Variants in OTOGL observed in about 807,000 individuals in gnomAD.
OTOGL encodes otogelin-like protein.
A neutral mutation model predicts 318.5 loss-of-function variants in OTOGL; 285 were observed. That is an observed-to-expected ratio of 0.89 (90% CI 0.81 to 0.99). The LOEUF (loss-of-function observed/expected upper bound fraction) is 0.99, where lower values mean the gene tolerates loss of function less well. OTOGL is among the 50% of genes least tolerant of loss of function. The pLI is 0.00. For synonymous variants in OTOGL, 987 were observed against 936.5 expected (o/e 1.05, Z -0.99); for missense variants, 2,899 against 2,845.6 (o/e 1.02, Z -0.43).
At chr12:80,217,539 A>G (rs1309393798) in intron 4 of OTOGL, 59 bp from the exon 5 acceptor site, 3 of 1,169,636 alleles carry the variant, frequency 2.6e-6, no homozygotes, top group Middle Eastern at 1.9e-4. Context: ...GCCAATTTGC[A>G]TGTTTGGCTT....
chr12:80,325,721 A>T (rs1283737594), intron 35 of OTOGL, among the ~76,000 whole-genome samples: 1 of 152,228 alleles, frequency 6.6e-6, no homozygotes, highest in Non-Finnish European at 1.5e-5. Flanking sequence ...AGCCATCAGG[A>T]TGACAGCATG....
chr12:80,344,325 C>T (rs2137958566), intron 44 of OTOGL, among the ~76,000 whole-genome samples: 1 of 152,236 alleles, frequency 6.6e-6, no homozygotes, highest in African/African-American at 2.4e-5. Flanking sequence ...CATAATGAAG[C>T]AATACAGGAT....
At chr12:80,283,430 C>A (rs938388348) in intron 26 of OTOGL, among the ~76,000 whole-genome samples, 2 of 151,942 alleles carry the variant, frequency 1.3e-5, no homozygotes, top group Admixed American at 6.6e-5. Context: ...GTTCAGCTCA[C>A]AGTTATCTGT....
chr12:80,137,869 G>A (rs905424849), intron 1 of OTOGL, among the ~76,000 whole-genome samples: 3 of 152,038 alleles, frequency 2.0e-5, no homozygotes, highest in South Asian at 2.1e-4. Context: ...CCTGGTTCAC[G>A]TTGATAAAAA....
At chr12:80,370,506 A>G in intron 55 of OTOGL, 64 bp from the exon 56 acceptor site, 3 of 1,316,204 alleles carry the variant, frequency 2.3e-6, no homozygotes, top group Non-Finnish European at 3.0e-6. Flanking sequence ...ATAGAATAAT[A>G]TTGTACTTAA....
intron 10 of OTOGL, 144 bp downstream of exon 10, chr12:80,239,122 C>A: frequency 8.8e-7 from 1 of 1,131,072 alleles, no homozygotes; most frequent in African/African-American, 1.6e-5. Flanking sequence ...TAGGAAATCA[C>A]CTTAATTTTA....
At chr12:80,238,799 GAT>G (rs1019612242) in intron 9 of OTOGL, 50 bp from the exon 10 acceptor site, 1 of 1,376,488 alleles carries the variant, frequency 7.3e-7, no homozygotes, top group African/African-American at 1.5e-5. Flanking sequence ...TGTGGAAAAT[GAT>G]ATGATTACAC....
intron 1 of OTOGL, among the ~76,000 whole-genome samples, chr12:80,143,000 T>C (rs773679206): frequency 6.6e-6 from 1 of 152,076 alleles, no homozygotes; most frequent in African/African-American, 2.4e-5. Flanking sequence ...AAGGCATATG[T>C]GCAAGAGGTG....
At chr12:80,319,100 C>T (rs1887162404) in intron 33 of OTOGL, among the ~76,000 whole-genome samples, 1 of 152,158 alleles carries the variant, frequency 6.6e-6, no homozygotes. Context: ...CAAAGAAGTT[C>T]TACATGAAGA....
intron 6 of OTOGL, among the ~76,000 whole-genome samples, chr12:80,221,664 G>T (rs1241152362): frequency 7.2e-6 from 1 of 138,916 alleles, no homozygotes; most frequent in East Asian, 2.2e-4. Context: ...TTTCTCTGTG[G>T]ATACCATAAA....
In OTOGL at chr12:80,318,290, A is replaced by C. The variant is rs76825484; in HGVS notation, c.3635-256A>C. On this transcript the variant is annotated intron_variant, in intron 32 of 58. Coordinates refer to ENST00000547103, the MANE Select transcript of OTOGL (RefSeq NM_001378609.3). ...AGGGAAAGTAAAATACACTGAGTGC[A>C]GTAAGATTAAACCTTTATGAAACAA... 5.5e-3 allele frequency among the ~76,000 whole-genome samples: 836 copies of C among 152,282 alleles called. 6 individuals carry two copies. Among genetic ancestry groups the C allele is most frequent in the African/African-American group, 0.019 (802 of 41,576 alleles).
intron 2 of OTOGL, 50 bp from the exon 3 acceptor site, chr12:80,210,797 C>T: frequency 2.5e-6 from 3 of 1,205,504 alleles, no homozygotes; most frequent in Non-Finnish European, 2.2e-6. Context: ...AACATGTAGC[C>T]AATATATTTG....
intron 52 of OTOGL, chr12:80,360,930 A>G (rs1305471700): frequency 3.3e-5 from 5 of 151,998 alleles, no homozygotes; most frequent in Admixed American, 2.6e-4. Context: ...ATTATGGAAT[A>G]GCTAAATTGA....
intron 1 of OTOGL, among the ~76,000 whole-genome samples, chr12:80,110,714 C>T (rs775461775): frequency 2.4e-4 from 37 of 151,786 alleles, no homozygotes; most frequent in Middle Eastern, 6.4e-3. Flanking sequence ...GATAAACATA[C>T]GTGTGCATGT....
chr12:80,141,069 G>C lies in OTOGL; in HGVS notation c.-20+41464G>C, dbSNP rs552207747. On this transcript the variant is annotated intron_variant, in intron 1 of 58. Coordinates refer to ENST00000547103, the MANE Select transcript of OTOGL (RefSeq NM_001378609.3). ...CAATGATATTTCTGTAGCTCTTGCA[G>C]GTGTTTATTGAAGCATGGTGATCTT... Among the ~76,000 whole-genome samples, 11 of 152,100 alleles carry C rather than the reference G, an allele frequency of 7.2e-5. No individual in the cohort carries two copies. In the South Asian group the frequency reaches 2.3e-3, roughly 32 times the overall value.
In OTOGL at chr12:80,279,154, GT is replaced by G. The variant is rs1470075214; in HGVS notation, c.2921del (p.Leu974Ter). On this transcript the variant is annotated frameshift_variant, in exon 26 of 59. Coordinates refer to ENST00000547103, the MANE Select transcript of OTOGL (RefSeq NM_001378609.3). LOFTEE classifies it high-confidence loss of function. ...EYDYISDCQV[F>X]LIKSADDSDI... ...ATGACTATATCAGTGATTGCCAGGTGTTTTTGATAAAGGTAGGTCACAGTTA... is the reference window on the plus strand; with the variant it reads ...ATGACTATATCAGTGATTGCCAGGTGTTTTGATAAAGGTAGGTCACAGTTA... 1 of 1,589,114 alleles carries G rather than the reference GT, an allele frequency of 6.3e-7. No homozygotes were observed. Among genetic ancestry groups the G allele is most frequent in the Non-Finnish European group, 8.5e-7 (1 of 1,175,064 alleles).
intron 1 of OTOGL, among the ~76,000 whole-genome samples, chr12:80,152,024 A>G (rs1872814446): frequency 6.6e-6 from 1 of 152,186 alleles, no homozygotes; most frequent in African/African-American, 2.4e-5. Flanking sequence ...CCCAAATTTA[A>G]GTTATGATAG....
At position 80,254,530 on chromosome 12, in the gene OTOGL, T is replaced by C. The variant is rs1265829767; in HGVS notation, c.1401T>C (p.Cys467=). 3 of 1,607,020 alleles carry C rather than the reference T, an allele frequency of 1.9e-6. No individual in the cohort carries two copies. Among genetic ancestry groups the C allele is most frequent in the African/African-American group, 2.7e-5 (2 of 74,742 alleles). Residue 467 remains cysteine (C), a synonymous_variant, in exon 15 of 59, where the codon TGT becomes TGC. Transcript: ENST00000547103. ...KIEQECTECV[C]VGGVWNCTEQ... The stretch of plus-strand genomic sequence containing the variant: ...TTTTTATAATTTCTTTTAGTGTGTG[T>C]GTTGGTGGAGTTTGGAACTGCACTG...
chr12:80,099,989 A>C (rs1345215990), intron 1 of OTOGL, among the ~76,000 whole-genome samples: 1 of 152,190 alleles, frequency 6.6e-6, no homozygotes. Context: ...AATGGAAATA[A>C]TTCATTAACT....
Sources: allele counts gnomAD v4.1 joint callset (sites outside exome capture counted in the v4.1 genomes callset), GRCh38; gene constraint gnomAD v4.1.1; transcripts MANE v1.5; gene names NCBI Gene and HGNC (gene_info 2026-07-23, HGNC 2026-07-21).